Variants in MLST8 observed in about 807,000 individuals in gnomAD.
MLST8 encodes the protein target of rapamycin complex subunit LST8.
Under a neutral mutation model 41.3 loss-of-function variants are expected in MLST8, and 20 were observed. That is an observed-to-expected ratio of 0.48 (90% CI 0.34 to 0.70). The LOEUF (loss-of-function observed/expected upper bound fraction) is 0.70. Ranked by LOEUF, MLST8 falls within the 30% of genes least tolerant of loss-of-function variation. The pLI is 0.01. For synonymous variants in MLST8, 243 were observed against 183.0 expected (o/e 1.33, Z -2.65); for missense variants, 422 against 454.3 (o/e 0.93, Z 0.65).
Position 2,208,764 on chromosome 16 carries a change from T to A in MLST8, c.868T>A (p.Ser290Thr). 1 of 1,613,934 alleles carries A rather than the reference T, an allele frequency of 6.2e-7. No homozygotes were observed. Among genetic ancestry groups the A allele is most frequent in the Non-Finnish European group, 8.5e-7 (1 of 1,179,916 alleles). The change falls in exon 9 of 9, where the codon TCG (serine) becomes ACG (threonine). Residue 290 changes from serine to threonine, a missense_variant. By Grantham distance (58) the Ser-to-Thr change is moderately conservative. Coordinates refer to ENST00000569417, the MANE Select transcript of MLST8 (RefSeq NM_022372.6). ...TGCACAATCTCCCCCTCCAGCTTCC[T>A]CGGACAACCTGGCCCGGCTCTGGTG... ...GDSQYIVTAS[S>T]DNLARLWCVE...
Position 2,209,237 on chromosome 16 carries a change from G to C in MLST8, c.*360G>C. On this transcript the variant is annotated 3_prime_UTR_variant, in exon 9 of 9. Coordinates refer to ENST00000569417, the MANE Select transcript of MLST8 (RefSeq NM_022372.6). ...GCGTTTCAGGGCCTCGGTCCATAGA[G>C]AACACCACCACCATGGCCAGGTGGA... 1.1e-6 allele frequency: 1 copy of C among 929,614 alleles called. No individual in the cohort carries two copies. Among genetic ancestry groups the C allele is most frequent in the Admixed American group, 2.4e-5 (1 of 41,104 alleles). The allele number at this position is 929,614 out of a possible 1,614,324, so 57.6% of individuals were successfully genotyped here.
chr16:2,206,821 C>T (rs1344442954), intron 4 of MLST8, 162 bp downstream of exon 4: 6 of 1,022,690 alleles, frequency 5.9e-6, no homozygotes, highest in East Asian at 2.6e-5. Flanking sequence ...CATCAGAGCG[C>T]GAGTCCTGCC....
chr16:2,206,111 G>A lies in MLST8; in HGVS notation c.26G>A (p.Gly9Asp), dbSNP rs1302138181. Residue 9 changes from glycine to aspartate, a missense_variant, in exon 2 of 9, where the codon GGC becomes GAC. Coordinates refer to ENST00000569417, the MANE Select transcript of MLST8 (RefSeq NM_022372.6). ...ATGAACACCTCCCCAGGCACGGTGG[G>A]CAGTGACCCGGTCATCCTGGCCACT... The part of the protein sequence containing the change: MNTSPGTV[G>D]SDPVILATAG... The A allele has an allele frequency of 6.2e-7, 1 of 1,608,650 alleles. No individual in the cohort carries two copies. The highest frequency in any genetic ancestry group is 1.1e-5 in the South Asian group (1 of 90,842).
In MLST8 at chr16:2,208,627, T is replaced by A; in HGVS notation, c.862+14T>A. 1 of 1,611,824 alleles carries A rather than the reference T, an allele frequency of 6.2e-7. No individual in the cohort carries two copies. The highest frequency in any genetic ancestry group is 8.5e-7 in the Non-Finnish European group (1 of 1,179,262). On this transcript the variant is annotated intron_variant, in intron 8 of 8. Coordinates refer to ENST00000569417, the MANE Select transcript of MLST8 (RefSeq NM_022372.6). ...ACATCGTCACTGGTGAGCCCCGCCC[T>A]GGCCTCCCCCATCCCTGGCCCCCGG...
In MLST8 at chr16:2,208,230, T is replaced by C; in HGVS notation, c.594T>C (p.Asn198=). Residue 198 remains asparagine (N), a synonymous_variant, in exon 7 of 9, where the codon AAT becomes AAC. Transcript: ENST00000569417. ...TCTAGGGAAACTGCTATGTCTGGAA[T>C]CTGACGGGGGGCATTGGTGACGAGG... The part of the protein sequence containing the change: ...VNSTGNCYVW[N]LTGGIGDEVT... 2 of 1,612,922 alleles carry C rather than the reference T, an allele frequency of 1.2e-6. No homozygotes were observed. The highest frequency in any genetic ancestry group is 1.1e-5 in the South Asian group (1 of 90,994).
At chr16:2,206,745 G>C in intron 4 of MLST8, 86 bp downstream of exon 4, 1 of 1,482,742 alleles carries the variant, frequency 6.7e-7, no homozygotes, top group Middle Eastern at 1.7e-4. Flanking sequence ...TCAAGCAGAG[G>C]CTGAGACAGG....
At position 2,207,332 on chromosome 16, in the gene MLST8, C is replaced by T. The variant is rs2093311030; in HGVS notation, c.560C>T (p.Ala187Val). The part of the protein sequence containing the change: ...HIDPDASYMA[A>V]VNSTGNCYVW... The stretch of plus-strand genomic sequence containing the variant: ...GATCCCGACGCCAGCTACATGGCAG[C>T]TGTCAATAGCACCGTGAGTCCTGGT... Residue 187 changes from alanine to valine, a missense_variant, in exon 6 of 9, where the codon GCT becomes GTT. Transcript: ENST00000569417. 6.2e-7 allele frequency: 1 copy of T among 1,613,970 alleles called. No homozygotes were observed. The highest frequency in any genetic ancestry group is 1.3e-5 in the African/African-American group (1 of 74,940).
In MLST8 at chr16:2,206,097, C is replaced by T. The variant is rs773277888; in HGVS notation, c.12C>T (p.Ser4=). Residue 4 remains serine (S), a synonymous_variant, in exon 2 of 9, where the codon TCC becomes TCT. Transcript: ENST00000569417. MNT[S]PGTVGSDPVI... ...GTGCAGGCCACACCATGAACACCTC[C>T]CCAGGCACGGTGGGCAGTGACCCGG... 6.2e-7 allele frequency: 1 copy of T among 1,602,656 alleles called. No homozygotes were observed.
chr16:2,206,831 C>A, intron 4 of MLST8, 172 bp downstream of exon 4: 2 of 1,028,026 alleles, frequency 1.9e-6, no homozygotes, highest in Non-Finnish European at 3.0e-6. Context: ...CGAGTCCTGC[C>A]TTGAGCCCGG....
In MLST8 at chr16:2,208,318, T is replaced by C. The variant is rs2093337621; in HGVS notation, c.682T>C (p.Phe228Leu). ...AHTRYALQCR[F>L]SPDSTLLATC... ...CACGCGCTACGCCCTGCAGTGTCGCTTCAGCCCCGACTCCACGTGCGTGCA... is the reference window on the plus strand; with the variant it reads ...CACGCGCTACGCCCTGCAGTGTCGCCTCAGCCCCGACTCCACGTGCGTGCA... The change falls in exon 7 of 9, where the codon TTC becomes CTC. Residue 228 changes from phenylalanine to leucine, a missense_variant. Coordinates refer to ENST00000569417, the MANE Select transcript of MLST8 (RefSeq NM_022372.6). 2 of 1,607,960 alleles carry C rather than the reference T, an allele frequency of 1.2e-6. No homozygotes were observed. The highest frequency in any genetic ancestry group is 1.7e-6 in the Non-Finnish European group (2 of 1,175,530).
chr16:2,208,254 G>C lies in MLST8; in HGVS notation c.618G>C (p.Glu206Asp), dbSNP rs755090036. ...ATCTGACGGGGGGCATTGGTGACGA[G>C]GTGACCCAGCTCATCCCCAAGACTA... is the stretch of plus-strand genomic sequence containing the variant. ...VWNLTGGIGDEVTQLIPKTKI... is the reference protein window; with the variant it reads ...VWNLTGGIGDDVTQLIPKTKI... The change falls in exon 7 of 9, where the codon GAG becomes GAC. Residue 206 changes from glutamate (E) to aspartate (D), a missense_variant. Coordinates refer to ENST00000569417, the MANE Select transcript of MLST8 (RefSeq NM_022372.6). 5.0e-5 allele frequency: 80 copies of C among 1,613,466 alleles called. No individual in the cohort carries two copies. The highest frequency in any genetic ancestry group is 5.0e-5 in the Admixed American group (3 of 59,982).
At chr16:2,206,932 A>T (rs978522310) in intron 4 of MLST8, 103 bp from the exon 5 acceptor site, 319 of 1,416,378 alleles carry the variant, frequency 2.3e-4, no homozygotes, top group Non-Finnish European at 2.8e-4. Context: ...CCCAAGAGGC[A>T]GGTCCTTCAG....
rs759348365 is a variant in MLST8 at position 2,208,624 on chromosome 16, C to T, written c.862+11C>T. 1 of 1,611,924 alleles carries T rather than the reference C, an allele frequency of 6.2e-7. No homozygotes were observed. The highest frequency in any genetic ancestry group is 8.5e-7 in the Non-Finnish European group (1 of 1,179,352). ...AGTACATCGTCACTGGTGAGCCCCG[C>T]CCTGGCCTCCCCCATCCCTGGCCCC... is the stretch of plus-strand genomic sequence containing the variant. On this transcript the variant is annotated intron_variant, in intron 8 of 8. Coordinates refer to ENST00000569417, the MANE Select transcript of MLST8 (RefSeq NM_022372.6).
chr16:2,208,682 C>T (rs2093347006), intron 8 of MLST8, 69 bp downstream of exon 8: 4 of 1,612,764 alleles, frequency 2.5e-6, no homozygotes, highest in Admixed American at 1.7e-5. Flanking sequence ...CCCACCTCGG[C>T]TGCAGCTTCC....
In MLST8 at chr16:2,207,207, G is replaced by A. The variant is rs770986995; in HGVS notation, c.435G>A (p.Val145=). Residue 145 remains valine (V), a synonymous_variant, in exon 6 of 9, where the codon GTG becomes GTA. Coordinates refer to ENST00000569417, the MANE Select transcript of MLST8 (RefSeq NM_022372.6). ...CLHPNQAELI[V]GDQSGAIHIW... ...CTGCACCCCAGGCAGAGCTCATCGT[G>A]GGTGACCAGAGCGGGGCTATCCACA... 3 of 1,614,068 alleles carry A rather than the reference G, an allele frequency of 1.9e-6. No individual in the cohort carries two copies. In the South Asian group the frequency reaches 3.3e-5, roughly 18 times the overall value.
At position 2,206,414 on chromosome 16, in the gene MLST8, C is replaced by T. The variant is rs567946567; in HGVS notation, c.181+5C>T. Reference sequence around the variant, plus strand: ...GCAGCATGATTGCTGCTGCAGGTATCTGTGATCCTTGATCTCTAAACTCCT... The same window carrying T: ...GCAGCATGATTGCTGCTGCAGGTATTTGTGATCCTTGATCTCTAAACTCCT... On this transcript the variant is annotated splice_donor_5th_base_variant and intron_variant, in intron 3 of 8. Transcript: ENST00000569417. 4 of 1,614,166 alleles carry T rather than the reference C, an allele frequency of 2.5e-6. No individual in the cohort carries two copies. The highest frequency in any genetic ancestry group is 2.2e-5 in the East Asian group (1 of 44,874).
rs924595496 is a variant in MLST8, at chr16:2,208,563, G to C, written c.812G>C (p.Gly271Ala). The C allele has an allele frequency of 6.2e-7, 1 of 1,612,628 alleles. No homozygotes were observed. Among genetic ancestry groups the C allele is most frequent in the African/African-American group, 1.3e-5 (1 of 74,890 alleles). Reference protein sequence around the residue: ...KSGNPGESSRGWMWGCAFSGD... With the variant: ...KSGNPGESSRAWMWGCAFSGD... ...GGCAACCCCGGGGAGTCCTCCCGCG[G>C]CTGGATGTGGGGCTGCGCCTTCTCG... The change falls in exon 8 of 9, where the codon GGC becomes GCC. Residue 271 changes from glycine to alanine, a missense_variant. By Grantham distance (60) the Gly-to-Ala change is moderately conservative. Transcript: ENST00000569417.
In MLST8 at chr16:2,207,199, C is replaced by T. The variant is rs1258644827; in HGVS notation, c.427C>T (p.Leu143Phe). 1 of 1,613,906 alleles carries T rather than the reference C, an allele frequency of 6.2e-7. No homozygotes were observed. Among genetic ancestry groups the T allele is most frequent in the East Asian group, 2.2e-5 (1 of 44,874 alleles). ...CACCACCCCTGCACCCCAGGCAGAGCTCATCGTGGGTGACCAGAGCGGGGC... is the reference window on the plus strand; with the variant it reads ...CACCACCCCTGCACCCCAGGCAGAGTTCATCGTGGGTGACCAGAGCGGGGC... ...CVCLHPNQAE[L>F]IVGDQSGAIH... Residue 143 changes from leucine (L) to phenylalanine (F), a missense_variant, in exon 6 of 9, where the codon CTC becomes TTC. By Grantham distance (22) the Leu-to-Phe change is conservative (BLOSUM62 0). Transcript: ENST00000569417.
chr16:2,207,566 A>G, intron 6 of MLST8: 1 of 579,376 alleles, frequency 1.7e-6, no homozygotes, highest in African/African-American at 1.9e-5. Flanking sequence ...AGTCTCTCCC[A>G]AGTCGATCCA....
Sources: gnomAD v4.1 joint callset for allele counts on GRCh38, gnomAD v4.1.1 for gene constraint, MANE v1.5 for transcripts, NCBI Gene and HGNC (gene_info 2026-07-23, HGNC 2026-07-21) for gene names.